EXOC6B: variants seen among roughly 807,000 people sequenced by gnomAD.
EXOC6B encodes the protein exocyst complex component 6B.
EXOC6B carries 54 observed loss-of-function variants against 113.5 expected under a neutral mutation model. The ratio of observed to expected loss-of-function variants is 0.48; its 90% CI spans 0.38 to 0.60. The LOEUF is 0.60. Ranked by LOEUF, EXOC6B falls within the 20% of genes least tolerant of loss-of-function variation. EXOC6B has a pLI of 0.00. For synonymous variants in EXOC6B, 357 were observed against 339.0 expected, an observed-to-expected ratio of 1.05 and a Z score of -0.58; for missense variants, 797 against 977.5, an observed-to-expected ratio of 0.82 and a Z score of 2.46.
chr2:72,741,524 A>G, intron 1 of EXOC6B, 55 bp from the exon 2 acceptor site: 1 of 1,509,626 alleles, frequency 6.6e-7, no homozygotes, highest in South Asian at 1.3e-5. Context: ...AGAAGGAAAA[A>G]CAAAATTATA....
intron 6 of EXOC6B, among the ~76,000 whole-genome samples, chr2:72,619,404 T>TA (rs997036434): frequency 2.0e-5 from 3 of 152,008 alleles, no homozygotes; most frequent in African/African-American, 4.8e-5. Flanking sequence ...GTCCATCCAT[T>TA]AAAAAAATGG....
At chr2:72,265,242 A>T (rs929976237) in intron 20 of EXOC6B, among the ~76,000 whole-genome samples, 5 of 113,314 alleles carry the variant, frequency 4.4e-5, no homozygotes, top group South Asian at 3.2e-4. Context: ...CTATTCTTTT[A>T]TTATTATTAT....
intron 17 of EXOC6B, among the ~76,000 whole-genome samples, chr2:72,469,352 A>G (rs1388801440): frequency 1.3e-5 from 2 of 152,048 alleles, no homozygotes; most frequent in East Asian, 3.9e-4. Flanking sequence ...TTTAGATTTA[A>G]ATTGTTCTTT....
intron 6 of EXOC6B, among the ~76,000 whole-genome samples, chr2:72,665,797 T>A (rs1473582404): frequency 1.3e-5 from 2 of 152,122 alleles, no homozygotes; most frequent in African/African-American, 4.8e-5. Flanking sequence ...ATCAAATCTA[T>A]GAAACAACCA....
intron 18 of EXOC6B, among the ~76,000 whole-genome samples, chr2:72,423,772 CACACACACATGA>C (rs1158060642): frequency 5.9e-5 from 9 of 152,080 alleles, no homozygotes; most frequent in Non-Finnish European, 1.3e-4. Flanking sequence ...TACACACATG[CACACACACATGA>C]ACACACACAC....
intron 1 of EXOC6B, among the ~76,000 whole-genome samples, chr2:72,799,648 T>G (rs1685178027): frequency 6.6e-6 from 1 of 152,196 alleles, no homozygotes; most frequent in Non-Finnish European, 1.5e-5. Flanking sequence ...AACTGTATGT[T>G]TTTAAATGTT....
intron 8 of EXOC6B, among the ~76,000 whole-genome samples, chr2:72,526,908 G>A (rs1701769750): frequency 6.6e-6 from 1 of 151,820 alleles, no homozygotes; most frequent in African/African-American, 2.4e-5. Context: ...GACCCCATGT[G>A]CACTCTATCC....
chr2:72,805,622 C>CT (rs539228163), intron 1 of EXOC6B, among the ~76,000 whole-genome samples: 2 of 151,390 alleles, frequency 1.3e-5, no homozygotes, highest in African/African-American at 4.8e-5. Context: ...ACCTCACATA[C>CT]TTTTTTTTTG....
At chr2:72,350,366 T>C (rs955090167) in intron 19 of EXOC6B, among the ~76,000 whole-genome samples, 1 of 152,174 alleles carries the variant, frequency 6.6e-6, no homozygotes, top group African/African-American at 2.4e-5. Context: ...AGAATTTTAA[T>C]GTAAAGTATT....
chr2:72,297,700 A>C (rs959543187), intron 20 of EXOC6B, among the ~76,000 whole-genome samples: 1 of 151,944 alleles, frequency 6.6e-6, no homozygotes, highest in African/African-American at 2.4e-5. Context: ...ATAATGGTAC[A>C]TTGTGTCTTT....
chr2:72,492,759 T>A lies in EXOC6B; in HGVS notation c.1554-330A>T, dbSNP rs188247757. Among the ~76,000 whole-genome samples, 55 of 152,206 alleles carry A rather than the reference T, an allele frequency of 3.6e-4. 1 individual carries two copies. In the East Asian group the frequency reaches 0.01, roughly 28 times the overall value. ...GAAAAGAAGTCTATTATAATTCTTA[T>A]CATTATACTATCATGTAATTTTTAT... On this transcript the variant is annotated intron_variant, in intron 15 of 21. Transcript: ENST00000272427.
intron 20 of EXOC6B, among the ~76,000 whole-genome samples, chr2:72,327,694 T>G (rs1422232341): frequency 6.6e-6 from 1 of 152,102 alleles, no homozygotes; most frequent in Non-Finnish European, 1.5e-5. Context: ...AAAAATGCCC[T>G]GAGGTAGAAT....
chr2:72,467,297 A>G (rs1212439151), intron 17 of EXOC6B, among the ~76,000 whole-genome samples: 1 of 152,224 alleles, frequency 6.6e-6, no homozygotes, highest in Non-Finnish European at 1.5e-5. Flanking sequence ...ATGAACATAA[A>G]AGTGCAGATA....
chr2:72,793,241 G>A (rs554305519), intron 1 of EXOC6B, among the ~76,000 whole-genome samples: 113 of 152,204 alleles, frequency 7.4e-4, no homozygotes, highest in African/African-American at 2.5e-3. Flanking sequence ...CTACACAAAG[G>A]GTACATAAAG....
At chr2:72,367,787 A>T (rs1018944878) in intron 19 of EXOC6B, among the ~76,000 whole-genome samples, 1 of 152,104 alleles carries the variant, frequency 6.6e-6, no homozygotes, top group Admixed American at 6.5e-5. Flanking sequence ...GCCCTGTCAT[A>T]GTGGAGAAAA....
chr2:72,239,226 C>T (rs1401152028), intron 20 of EXOC6B, among the ~76,000 whole-genome samples: 1 of 152,106 alleles, frequency 6.6e-6, no homozygotes, highest in Non-Finnish European at 1.5e-5. Flanking sequence ...GCTACTTTTT[C>T]TTTTTTCGAG....
At chr2:72,203,530 C>A (rs1160229400) in intron 20 of EXOC6B, among the ~76,000 whole-genome samples, 1 of 152,162 alleles carries the variant, frequency 6.6e-6, no homozygotes, top group East Asian at 1.9e-4. Flanking sequence ...TCTGGCTGCT[C>A]AACTGGACTT....
intron 6 of EXOC6B, among the ~76,000 whole-genome samples, chr2:72,645,017 T>C (rs549098144): frequency 6.6e-6 from 1 of 152,114 alleles, no homozygotes; most frequent in Non-Finnish European, 1.5e-5. Flanking sequence ...TCAAGATCCA[T>C]CAGTGTGCTG....
intron 8 of EXOC6B, among the ~76,000 whole-genome samples, chr2:72,540,393 T>C (rs934036891): frequency 2.6e-5 from 4 of 152,092 alleles, no homozygotes; most frequent in Non-Finnish European, 5.9e-5. Flanking sequence ...CAGATTCACG[T>C]TGTTAATATT....
Sources: gnomAD v4.1 joint callset for allele counts (sites outside exome capture counted in the v4.1 genomes callset) on GRCh38, gnomAD v4.1.1 for gene constraint, MANE v1.5 for transcripts, NCBI Gene and HGNC (gene_info 2026-07-23, HGNC 2026-07-21) for gene names.